Variants in FER observed in about 807,000 individuals in gnomAD.
FER encodes the protein FER tyrosine kinase, also known as tyrosine-protein kinase Fer.
FER carries 63 observed loss-of-function variants against 111.0 expected under a neutral mutation model. That is an observed-to-expected ratio of 0.57 (90% CI 0.46 to 0.70). The LOEUF is 0.70. FER is among the 30% of genes least tolerant of loss of function. FER has a pLI of 0.00. For synonymous variants in FER, 327 were observed against 313.9 expected, an observed-to-expected ratio of 1.04 and a Z score of -0.44; for missense variants, 914 against 954.0, an observed-to-expected ratio of 0.96 and a Z score of 0.55.
intron 16 of FER, among the ~76,000 whole-genome samples, chr5:109,062,384 G>A (rs934364672): frequency 2.6e-5 from 4 of 152,170 alleles, no homozygotes; most frequent in Admixed American, 2.6e-4. Flanking sequence ...AAATTAGCTG[G>A]GCATGGTGGT....
chr5:109,109,343 A>G (rs1055412550), intron 17 of FER, among the ~76,000 whole-genome samples: 3 of 152,150 alleles, frequency 2.0e-5, no homozygotes, highest in South Asian at 2.1e-4. Context: ...ATGTATTTAT[A>G]TAGACACATA....
At chr5:108,777,424 A>G (rs1277693296) in intron 2 of FER, among the ~76,000 whole-genome samples, 1 of 152,136 alleles carries the variant, frequency 6.6e-6, no homozygotes, top group African/African-American at 2.4e-5. Context: ...ACCTACACTG[A>G]TATGTCATTA....
At chr5:109,141,503 A>T (rs977547462) in intron 17 of FER, among the ~76,000 whole-genome samples, 3 of 152,238 alleles carry the variant, frequency 2.0e-5, no homozygotes, top group Non-Finnish European at 4.4e-5. Flanking sequence ...GCTAACACAG[A>T]TAGATGTAGT....
intron 17 of FER, among the ~76,000 whole-genome samples, chr5:109,152,260 G>A (rs559685916): frequency 1.3e-5 from 2 of 152,054 alleles, no homozygotes; most frequent in East Asian, 3.9e-4. Flanking sequence ...CTTAGTTTAA[G>A]ATGGTCTAGA....
chr5:108,839,866 C>T (rs1761084099), intron 5 of FER, among the ~76,000 whole-genome samples: 1 of 151,992 alleles, frequency 6.6e-6, no homozygotes, highest in Non-Finnish European at 1.5e-5. Flanking sequence ...CGTGAGCCAC[C>T]GCGTCCGGCC....
intron 4 of FER, among the ~76,000 whole-genome samples, chr5:108,834,589 T>C (rs1760411561): frequency 6.6e-6 from 1 of 151,740 alleles, no homozygotes; most frequent in Non-Finnish European, 1.5e-5. Flanking sequence ...CCCCAGCCAC[T>C]TGGGAGGCTG....
At chr5:108,839,817 T>A (rs1761077127) in intron 5 of FER, among the ~76,000 whole-genome samples, 1 of 152,092 alleles carries the variant, frequency 6.6e-6, no homozygotes, top group Non-Finnish European at 1.5e-5. Context: ...GACTTCGTGA[T>A]CCGCCTGCCT....
intron 3 of FER, among the ~76,000 whole-genome samples, chr5:108,821,354 C>G (rs1422704923): frequency 1.3e-5 from 2 of 151,686 alleles, no homozygotes; most frequent in African/African-American, 4.8e-5. Flanking sequence ...TCAATTCCTG[C>G]TGTATTTATA....
chr5:109,048,409 G>A (rs1282581879), intron 16 of FER, among the ~76,000 whole-genome samples: 1 of 152,058 alleles, frequency 6.6e-6, no homozygotes. Flanking sequence ...TACAAATGAA[G>A]CCCCTGAATA....
chr5:109,089,182 G>A (rs146899782), intron 16 of FER, among the ~76,000 whole-genome samples: 5 of 152,308 alleles, frequency 3.3e-5, no homozygotes, highest in Admixed American at 6.5e-5. Context: ...GTCTATAAAT[G>A]TATCAGCTTC....
At chr5:108,791,098 C>T (rs531111297) in intron 2 of FER, among the ~76,000 whole-genome samples, 66 of 152,280 alleles carry the variant, frequency 4.3e-4, no homozygotes, top group African/African-American at 1.5e-3. Context: ...AATAATGTTG[C>T]TTCAAACATT....
chr5:108,780,535 A>G (rs1336656171), intron 2 of FER, among the ~76,000 whole-genome samples: 2 of 150,774 alleles, frequency 1.3e-5, no homozygotes, highest in Non-Finnish European at 3.0e-5. Flanking sequence ...TTCTTTCAGG[A>G]TTTTTTCTTT....
intron 13 of FER, among the ~76,000 whole-genome samples, chr5:109,035,366 A>G (rs188590962): frequency 8.9e-4 from 135 of 152,278 alleles, no homozygotes; most frequent in African/African-American, 3.1e-3. Context: ...GTCCTTCTCT[A>G]GAATTTTATG....
At chr5:108,790,235 C>CCACACA (rs66805209) in intron 2 of FER, among the ~76,000 whole-genome samples, 15,286 of 145,086 alleles carry the variant, frequency 0.11, 820 homozygotes, top group African/African-American at 0.13. Context: ...TGCATACACA[C>CCACACA]CACACACACA....
At chr5:108,992,515 ACCTCCCTCCCG>A (rs1763344761) in intron 13 of FER, among the ~76,000 whole-genome samples, 2 of 112,856 alleles carry the variant, frequency 1.8e-5, no homozygotes, top group African/African-American at 3.5e-5. Context: ...CTGACCCCCC[ACCTCCCTCCCG>A]GACGGGGCAG....
At chr5:108,798,940 A>C (rs1262714764) in intron 3 of FER, among the ~76,000 whole-genome samples, 2 of 152,042 alleles carry the variant, frequency 1.3e-5, no homozygotes, top group Admixed American at 1.3e-4. Flanking sequence ...CATTGTTACA[A>C]ATTTTGGTTT....
intron 3 of FER, chr5:108,820,044 G>T: frequency 1.0e-6 from 1 of 985,244 alleles, no homozygotes; most frequent in Non-Finnish European, 1.2e-6. Context: ...GAAAGGGAAT[G>T]GGAAAGAGTG....
chr5:108,794,524 G>GCCCCCCCCCCC (rs1415651696), intron 2 of FER, among the ~76,000 whole-genome samples: 15 of 53,702 alleles, frequency 2.8e-4, no homozygotes, highest in Non-Finnish European at 3.7e-4. Flanking sequence ...TGCCCCCTCC[G>GCCCCCCCCCCC]CACCCCCCCC....
At chr5:108,855,856 A>G (rs1345229135) in intron 5 of FER, among the ~76,000 whole-genome samples, 1 of 152,172 alleles carries the variant, frequency 6.6e-6, no homozygotes, top group African/African-American at 2.4e-5. Context: ...AAGGAGAAAA[A>G]AGAAACTGGA....
Sources: allele counts gnomAD v4.1 joint callset (sites outside exome capture counted in the v4.1 genomes callset), GRCh38; gene constraint gnomAD v4.1.1; transcripts MANE v1.5; gene names NCBI Gene and HGNC (gene_info 2026-07-23, HGNC 2026-07-21).